The following MACF1 variants were observed in gnomAD, a reference collection of about 807,000 sequenced individuals.
The protein encoded by MACF1 is microtubule-actin cross-linking factor 1.
In MACF1, 193 loss-of-function variants were observed where a neutral mutation model predicts 854.8. That is an observed-to-expected ratio of 0.23 (90% CI 0.20 to 0.25). MACF1 has a LOEUF of 0.25. Among genes scored for constraint, MACF1 ranks in the 10% least tolerant of loss-of-function variants. The pLI is 1.00. For synonymous variants in MACF1, 3,185 were observed against 3,226.7 expected, an observed-to-expected ratio of 0.99 and a Z score of 0.44; for missense variants, 7,722 against 8,929.1, an observed-to-expected ratio of 0.86 and a Z score of 5.45.
At chr1:39,115,752 A>G (rs1259181908) in intron 2 of MACF1, among the ~76,000 whole-genome samples, 1 of 152,182 alleles carries the variant, frequency 6.6e-6, no homozygotes, top group African/African-American at 2.4e-5. Flanking sequence ...GGGAACTCCA[A>G]CAGGAGAGTG....
chr1:39,403,129 G>A (rs1215039857), intron 58 of MACF1, among the ~76,000 whole-genome samples: 4 of 150,348 alleles, frequency 2.7e-5, no homozygotes, highest in African/African-American at 4.9e-5. Flanking sequence ...ATGGAGTCTC[G>A]CTCTGTCTCC....
intron 2 of MACF1, among the ~76,000 whole-genome samples, chr1:39,156,830 A>G (rs980048099): frequency 6.6e-6 from 1 of 152,176 alleles, no homozygotes; most frequent in Non-Finnish European, 1.5e-5. Flanking sequence ...AGAAAAATGA[A>G]CCATGTATTT....
chr1:39,152,219 C>T (rs1185707166), intron 2 of MACF1, among the ~76,000 whole-genome samples: 1 of 152,234 alleles, frequency 6.6e-6, no homozygotes, highest in South Asian at 2.1e-4. Flanking sequence ...GTGATCCGCC[C>T]ACCTTGGCCT....
intron 1 of MACF1, among the ~76,000 whole-genome samples, chr1:39,225,232 C>T (rs1269900506): frequency 1.8e-3 from 6 of 3,362 alleles, no homozygotes; most frequent in African/African-American, 2.7e-3. Flanking sequence ...TTTTTTGAGA[C>T]GGAGTCTCGC....
intron 1 of MACF1, among the ~76,000 whole-genome samples, chr1:39,215,070 CTAT>C (rs2148281898): frequency 6.6e-6 from 1 of 152,320 alleles, no homozygotes; most frequent in East Asian, 1.9e-4. Flanking sequence ...TCTGTACGCT[CTAT>C]TGGTCTGGAA....
At chr1:39,123,148 T>C (rs555002165) in intron 2 of MACF1, among the ~76,000 whole-genome samples, 74 of 151,318 alleles carry the variant, frequency 4.9e-4, no homozygotes, top group Admixed American at 9.9e-4. Flanking sequence ...TGGCAGTCAG[T>C]GGTGGTCCAA....
intron 26 of MACF1, among the ~76,000 whole-genome samples, chr1:39,311,365 A>G (rs1051622911): frequency 2.6e-5 from 4 of 152,208 alleles, no homozygotes; most frequent in African/African-American, 7.2e-5. Context: ...TCATATGACC[A>G]ATAAATATAA....
At chr1:39,242,552 TAGCTTG>T (rs1644936790) in intron 2 of MACF1, among the ~76,000 whole-genome samples, 1 of 150,946 alleles carries the variant, frequency 6.6e-6, no homozygotes, top group Admixed American at 6.6e-5. Flanking sequence ...AGTTCGAGAC[TAGCTTG>T]GGCAACATGG....
chr1:39,424,856 A>G lies in MACF1; in HGVS notation c.16316+662A>G, dbSNP rs1341583588. Among the ~76,000 whole-genome samples the G allele has an allele frequency of 2.6e-5, 4 of 152,216 alleles. No individual in the cohort carries two copies. In the East Asian group the frequency reaches 7.7e-4, roughly 29 times the overall value. Reference sequence around the variant, plus strand: ...AATACCAGCTAATGAGAAATCAATAAGAGAGCTGATCATTTGTTATTGTAT... The same window carrying G: ...AATACCAGCTAATGAGAAATCAATAGGAGAGCTGATCATTTGTTATTGTAT... On this transcript the variant is annotated intron_variant, in intron 61 of 100. Transcript: ENST00000564288.
intron 3 of MACF1, among the ~76,000 whole-genome samples, chr1:39,250,480 C>T (rs1361427087): frequency 2.0e-5 from 3 of 151,978 alleles, no homozygotes; most frequent in South Asian, 2.1e-4. Context: ...TCTATATAGA[C>T]GCCTCTCATT....
At chr1:39,294,305 GCTA>G (rs1311374610) in intron 18 of MACF1, among the ~76,000 whole-genome samples, 1 of 152,102 alleles carries the variant, frequency 6.6e-6, no homozygotes, top group Non-Finnish European at 1.5e-5. Flanking sequence ...ATTAGTTTTT[GCTA>G]CTTTTAGTAT....
At chr1:39,343,535 AACATAGAG>A (rs1299159276) in intron 40 of MACF1, among the ~76,000 whole-genome samples, 1 of 152,242 alleles carries the variant, frequency 6.6e-6, no homozygotes, top group African/African-American at 2.4e-5. Flanking sequence ...GAGATATAAA[AACATAGAG>A]ACATAGAGCA....
chr1:39,285,127 C>A lies in MACF1; in HGVS notation c.1176C>A (p.His392Gln). 1.2e-6 allele frequency: 2 copies of A among 1,614,124 alleles called. No homozygotes were observed. Among genetic ancestry groups the A allele is most frequent in the Non-Finnish European group, 1.7e-6 (2 of 1,180,028 alleles). Residue 392 changes from histidine (H) to glutamine (Q), a missense_variant, in exon 12 of 101, where the codon CAC (histidine) becomes CAA (glutamine). Physicochemically the swap from His to Gln is conservative, Grantham distance 24. Transcript: ENST00000564288. ...FGRIKLPQGYHPNDVEEEWGK... is the reference protein window; with the variant it reads ...FGRIKLPQGYQPNDVEEEWGK... ...GAATTAAACTGCCTCAAGGTTATCA[C>A]CCTAATGATGTGGAAGAAGAGTGGG...
At chr1:39,302,127 G>T (rs1425727908) in intron 22 of MACF1, among the ~76,000 whole-genome samples, 1 of 152,130 alleles carries the variant, frequency 6.6e-6, no homozygotes, top group Non-Finnish European at 1.5e-5. Context: ...CTCCCGAGTG[G>T]CTGGGACTAC....
At chr1:39,414,099 GGA>G in intron 58 of MACF1, 1 of 1,606,828 alleles carries the variant, frequency 6.2e-7, no homozygotes, top group Non-Finnish European at 8.5e-7. Context: ...CCACCCCCGA[GGA>G]GCCTGCCTCC....
chr1:39,192,983 A>G (rs930100230), intron 2 of MACF1, among the ~76,000 whole-genome samples: 2 of 152,084 alleles, frequency 1.3e-5, no homozygotes, highest in African/African-American at 4.8e-5. Flanking sequence ...ATGGTGGCGC[A>G]TGCCTGTAAT....
chr1:39,108,610 C>T (rs1642312173), intron 2 of MACF1, among the ~76,000 whole-genome samples: 1 of 149,842 alleles, frequency 6.7e-6, no homozygotes, highest in Admixed American at 6.7e-5. Context: ...TCGCGGTTCA[C>T]GCCGGAGGAA....
intron 2 of MACF1, among the ~76,000 whole-genome samples, chr1:39,101,666 T>TA (rs1007357336): frequency 8.9e-5 from 13 of 146,134 alleles, no homozygotes; most frequent in East Asian, 4.2e-4. Context: ...CTACTAAAAA[T>TA]AAAAAAAATT....
intron 89 of MACF1, chr1:39,457,067 T>C (rs1644454751): frequency 6.6e-6 from 1 of 152,280 alleles, no homozygotes; most frequent in South Asian, 2.1e-4. Flanking sequence ...CTCTCCTCAC[T>C]CTGCTAAGAT....
Sources: gnomAD v4.1 joint callset for allele counts (sites outside exome capture counted in the v4.1 genomes callset) on GRCh38, gnomAD v4.1.1 for gene constraint, MANE v1.5 for transcripts, NCBI Gene and HGNC (gene_info 2026-07-23, HGNC 2026-07-21) for gene names.